SLC39A11: variants seen among roughly 807,000 people sequenced by gnomAD.
SLC39A11 encodes the protein solute carrier family 39 member 11.
In SLC39A11, 33 loss-of-function variants were observed where a neutral mutation model predicts 36.1. The ratio of observed to expected loss-of-function variants is 0.91; its 90% CI spans 0.69 to 1.22. The LOEUF is 1.22. Among genes scored for constraint, SLC39A11 ranks in the 50% most tolerant of loss-of-function variants. The probability of loss-of-function intolerance (pLI) is 0.00; values close to 1 mark genes in which losing one functional copy is unlikely to be tolerated. For missense variants in SLC39A11, 432 were observed against 430.3 expected (o/e 1.00, Z -0.03); for synonymous variants, 166 against 170.3 (o/e 0.97, Z 0.20).
intron 4 of SLC39A11, among the ~76,000 whole-genome samples, chr17:73,001,797 A>G (rs2089838710): frequency 6.6e-6 from 1 of 152,188 alleles, no homozygotes. Flanking sequence ...GACCAGACAT[A>G]CTACTCAGAG....
chr17:72,797,016 T>C (rs1484500780), intron 6 of SLC39A11, among the ~76,000 whole-genome samples: 1 of 152,110 alleles, frequency 6.6e-6, no homozygotes, highest in African/African-American at 2.4e-5. Flanking sequence ...TGAACTTTCC[T>C]GAGGGAGTCA....
At chr17:72,872,998 G>A (rs2080720357) in intron 5 of SLC39A11, among the ~76,000 whole-genome samples, 1 of 149,718 alleles carries the variant, frequency 6.7e-6, no homozygotes, top group Admixed American at 6.7e-5. Context: ...AGCTTGCAGT[G>A]AGCCGAGATC....
At chr17:72,791,096 T>G (rs987045575) in intron 6 of SLC39A11, among the ~76,000 whole-genome samples, 1 of 152,222 alleles carries the variant, frequency 6.6e-6, no homozygotes, top group Non-Finnish European at 1.5e-5. Context: ...ATTTCAGACC[T>G]ACTAAATTAG....
In SLC39A11 at chr17:73,091,283, T is replaced by C. The variant is rs1599260959; in HGVS notation, c.-12+1328A>G. Among the ~76,000 whole-genome samples, 3 of 151,856 alleles carry C rather than the reference T, an allele frequency of 2.0e-5. No homozygotes were observed. In the East Asian group the frequency reaches 5.8e-4, roughly 30 times the overall value. On this transcript the variant is annotated intron_variant, in intron 1 of 9. Coordinates refer to ENST00000255559, the MANE Select transcript of SLC39A11 (RefSeq NM_139177.4). ...TCTCTACTAAAAACACAAAAATTAC[T>C]TGGGCGTCGTGGTGTGTGCCTGTAG...
chr17:72,909,916 T>A (rs1168844986), intron 5 of SLC39A11, among the ~76,000 whole-genome samples: 2 of 152,076 alleles, frequency 1.3e-5, no homozygotes, highest in East Asian at 3.9e-4. Context: ...CGGCTACTTT[T>A]TTTTTTTGTA....
At chr17:72,685,909 G>A (rs1476873058) in intron 7 of SLC39A11, among the ~76,000 whole-genome samples, 2 of 151,986 alleles carry the variant, frequency 1.3e-5, no homozygotes, top group Non-Finnish European at 2.9e-5. Context: ...GGTGGTATAC[G>A]CCTATAATCC....
At chr17:72,848,044 G>A (rs1324249049) in intron 6 of SLC39A11, among the ~76,000 whole-genome samples, 4 of 152,216 alleles carry the variant, frequency 2.6e-5, no homozygotes, top group Admixed American at 2.0e-4. Flanking sequence ...AGGAAATCAT[G>A]GCTGAAAAGG....
At chr17:72,802,793 G>C (rs753546294) in intron 6 of SLC39A11, among the ~76,000 whole-genome samples, 1 of 152,090 alleles carries the variant, frequency 6.6e-6, no homozygotes, top group Non-Finnish European at 1.5e-5. Context: ...TGCCCTCGAG[G>C]AAGCCAGGAG....
chr17:72,646,996 T>C lies in SLC39A11; in HGVS notation c.*588A>G, dbSNP rs1207625672. 7 of 152,076 alleles carry C rather than the reference T, an allele frequency of 4.6e-5. No homozygotes were observed. In the East Asian group the frequency reaches 1.4e-3, roughly 29 times the overall value. The allele number at this position is 152,076 out of a possible 1,614,324, so 9.4% of individuals were successfully genotyped here. Reference sequence around the variant, plus strand: ...AGACTAGCCAATTTCCTTCCCTTTTTCTGTGTCCCCCTCCCATGTAGTATC... The same window carrying C: ...AGACTAGCCAATTTCCTTCCCTTTTCCTGTGTCCCCCTCCCATGTAGTATC... On this transcript the variant is annotated 3_prime_UTR_variant, in exon 10 of 10. Coordinates refer to ENST00000255559, the MANE Select transcript of SLC39A11 (RefSeq NM_139177.4).
chr17:72,954,571 C>T (rs2086113147), intron 4 of SLC39A11, among the ~76,000 whole-genome samples: 1 of 152,244 alleles, frequency 6.6e-6, no homozygotes, highest in Non-Finnish European at 1.5e-5. Flanking sequence ...CTGCCATCCT[C>T]ACTTAACCCC....
intron 6 of SLC39A11, among the ~76,000 whole-genome samples, chr17:72,802,529 G>C (rs1421592115): frequency 1.3e-5 from 2 of 150,150 alleles, no homozygotes; most frequent in Non-Finnish European, 1.5e-5. Context: ...GGCAGAGGTT[G>C]CAATGAGCTG....
At chr17:73,062,475 A>AAAAAAAAAAAAAAAAAAAACAAAAC (rs56021607) in intron 3 of SLC39A11, among the ~76,000 whole-genome samples, 16 of 87,036 alleles carry the variant, frequency 1.8e-4, no homozygotes, top group African/African-American at 7.3e-4. Context: ...AAAAAAAAAA[A>AAAAAAAAAAAAAAAAAAAACAAAAC]AAACTTTAGG....
At chr17:73,055,213 G>A (rs368089750) in intron 3 of SLC39A11, among the ~76,000 whole-genome samples, 33 of 152,222 alleles carry the variant, frequency 2.2e-4, no homozygotes, top group African/African-American at 4.3e-4. Flanking sequence ...ATGAATTCCC[G>A]TTAGAGTGCT....
intron 3 of SLC39A11, among the ~76,000 whole-genome samples, chr17:73,032,320 C>T (rs2058763287): frequency 6.6e-6 from 1 of 152,008 alleles, no homozygotes; most frequent in South Asian, 2.1e-4. Flanking sequence ...GATTTTCCTG[C>T]CTCAGCCTCC....
At chr17:72,966,374 C>T (rs1349220972) in intron 4 of SLC39A11, among the ~76,000 whole-genome samples, 3 of 152,092 alleles carry the variant, frequency 2.0e-5, no homozygotes, top group African/African-American at 7.2e-5. Context: ...ATTACTACCG[C>T]CCCCCACAGA....
chr17:72,812,595 G>T (rs894437339), intron 6 of SLC39A11, among the ~76,000 whole-genome samples: 6 of 152,126 alleles, frequency 3.9e-5, no homozygotes, highest in Non-Finnish European at 1.5e-5. Context: ...TCTGCTTCTG[G>T]TCCCACCTCT....
intron 5 of SLC39A11, among the ~76,000 whole-genome samples, chr17:72,869,684 C>T (rs562768592): frequency 6.6e-6 from 1 of 152,290 alleles, no homozygotes; most frequent in African/African-American, 2.4e-5. Context: ...CCACCACGCC[C>T]AGTGAATTTT....
At chr17:72,851,998 T>C (rs565633283) in intron 5 of SLC39A11, among the ~76,000 whole-genome samples, 16 of 151,692 alleles carry the variant, frequency 1.1e-4, no homozygotes, top group African/African-American at 3.9e-4. Flanking sequence ...GTCAGGAGAT[T>C]GAGACCATCC....
At chr17:73,026,557 G>A (rs1458185479) in intron 4 of SLC39A11, among the ~76,000 whole-genome samples, 2 of 147,792 alleles carry the variant, frequency 1.4e-5, no homozygotes, top group Non-Finnish European at 3.0e-5. Context: ...GAAAAGAGAA[G>A]ACAAAAGAAA....
Sources: gnomAD v4.1 joint callset for allele counts (sites outside exome capture counted in the v4.1 genomes callset) on GRCh38, gnomAD v4.1.1 for gene constraint, MANE v1.5 for transcripts, NCBI Gene and HGNC (gene_info 2026-07-23, HGNC 2026-07-21) for gene names.